The following SYNE1 variants were observed in gnomAD, a reference collection of about 807,000 sequenced individuals.
SYNE1 encodes nesprin-1.
Under a neutral mutation model 1,111.0 loss-of-function variants are expected in SYNE1, and 616 were observed. The observed-to-expected ratio is 0.55, with a 90% CI of 0.52 to 0.59. The LOEUF (loss-of-function observed/expected upper bound fraction) is 0.59, where lower values mean the gene tolerates loss of function less well. SYNE1 is among the 20% of genes least tolerant of loss of function. SYNE1 has a pLI of 0.00. For synonymous variants in SYNE1, 3,855 were observed against 3,825.8 expected (o/e 1.01, Z -0.28); for missense variants, 10,006 against 10,417.0 (o/e 0.96, Z 1.72).
intron 64 of SYNE1, among the ~76,000 whole-genome samples, chr6:152,359,938 T>C (rs2096903628): frequency 6.6e-6 from 1 of 151,938 alleles, no homozygotes; most frequent in Admixed American, 6.6e-5. Flanking sequence ...TCCTGTTAGC[T>C]CTACCTCCTA....
At chr6:152,426,390 G>A (rs2098355848) in intron 38 of SYNE1, among the ~76,000 whole-genome samples, 1 of 152,176 alleles carries the variant, frequency 6.6e-6, no homozygotes, top group African/African-American at 2.4e-5. Flanking sequence ...CTTATGCTGG[G>A]TACAAGGGAA....
chr6:152,597,385 C>T (rs1246932458), intron 3 of SYNE1, among the ~76,000 whole-genome samples: 1 of 152,128 alleles, frequency 6.6e-6, no homozygotes. Flanking sequence ...TCAAGTGATC[C>T]TTCTACCACC....
chr6:152,471,729 T>C lies in SYNE1; in HGVS notation c.1500A>G (p.Leu500=). The C allele has an allele frequency of 2.5e-6, 4 of 1,613,870 alleles. No individual in the cohort carries two copies. Among genetic ancestry groups the C allele is most frequent in the African/African-American group, 2.7e-5 (2 of 75,020 alleles). Residue 500 remains leucine (L), a synonymous_variant, in exon 16 of 146, where the codon CTA becomes CTG. Transcript: ENST00000367255. Reference sequence around the variant, plus strand: ...TTAATTCTAAAAATTCCATTTTCATTAGGTGTAGCTCTGATGTGGAGGAAA... The same window carrying C: ...TTAATTCTAAAAATTCCATTTTCATCAGGTGTAGCTCTGATGTGGAGGAAA... ...HFVSSTSELH[L]MKMEFLELKY...
chr6:152,227,768 A>G (rs1369674679), intron 115 of SYNE1, among the ~76,000 whole-genome samples: 1 of 152,168 alleles, frequency 6.6e-6, no homozygotes, highest in East Asian at 1.9e-4. Context: ...TCCATTGCTT[A>G]GAAACTATTT....
At chr6:152,583,810 T>G (rs566065514) in intron 3 of SYNE1, among the ~76,000 whole-genome samples, 14 of 152,232 alleles carry the variant, frequency 9.2e-5, no homozygotes, top group Non-Finnish European at 2.9e-5. Context: ...AGAGCAAAAG[T>G]GGGAGAATTA....
chr6:152,127,912 T>G (rs1025992653), intron 145 of SYNE1: 1 of 152,200 alleles, frequency 6.6e-6, no homozygotes. Context: ...TCTTTCAGTG[T>G]TTCGGCCAGT....
chr6:152,510,514 T>C, intron 7 of SYNE1, 143 bp from the exon 8 acceptor site: 4 of 915,168 alleles, frequency 4.4e-6, no homozygotes, highest in South Asian at 4.3e-5. Context: ...AAGGGCATGA[T>C]TGATATCTTA....
At chr6:152,574,003 A>C (rs1025493917) in intron 3 of SYNE1, among the ~76,000 whole-genome samples, 1 of 152,086 alleles carries the variant, frequency 6.6e-6, no homozygotes, top group African/African-American at 2.4e-5. Context: ...TGTTCAACCA[A>C]GCTCTGAGTC....
intron 38 of SYNE1, among the ~76,000 whole-genome samples, chr6:152,425,853 T>A (rs1282452702): frequency 6.6e-6 from 1 of 152,214 alleles, no homozygotes; most frequent in Non-Finnish European, 1.5e-5. Context: ...GAGTCTGAGT[T>A]CTAAGTTAGG....
intron 32 of SYNE1, among the ~76,000 whole-genome samples, chr6:152,437,836 C>T (rs2098487792): frequency 6.6e-6 from 1 of 152,094 alleles, no homozygotes; most frequent in African/African-American, 2.4e-5. Context: ...TCAGTAAGAG[C>T]ATCTCCTAGA....
rs764402133 is a variant in SYNE1, at chr6:152,331,396, G to A, written c.13289C>T (p.Ala4430Val). 24 of 1,614,160 alleles carry A rather than the reference G, an allele frequency of 1.5e-5. No individual in the cohort carries two copies. In the East Asian group the frequency reaches 5.3e-4, roughly 36 times the overall value. The part of the protein sequence containing the change: ...RQVIQKALSD[A>V]QSHVNCLSDL... The stretch of plus-strand genomic sequence containing the variant: ...ACTGAGACAATTCACGTGGCTTTGT[G>A]CATCAGAGAGAGCCTTCTGGATGAC... Residue 4430 changes from alanine (A) to valine (V), a missense_variant, in exon 78 of 146, where the codon GCA becomes GTA. This residue lies in a region of SYNE1 where 4,955 missense variants were observed against 5,017.2 expected (regional missense o/e 0.99). Transcript: ENST00000367255.
chr6:152,369,021 C>G lies in SYNE1; in HGVS notation c.9758G>C (p.Arg3253Thr), dbSNP rs568146966. ...GQAASKSFRH[R>T]VSQLSSQYLA... Reference sequence around the variant, plus strand: ...ATACTGAGAAGACAGCTGCGACACTCTGTGCCTAAAGCTCTTGCTGGCAGC... The same window carrying G: ...ATACTGAGAAGACAGCTGCGACACTGTGTGCCTAAAGCTCTTGCTGGCAGC... The change falls in exon 61 of 146, where the codon AGA becomes ACA. Residue 3253 changes from arginine to threonine, a missense_variant. Arg to Thr is a moderately conservative substitution (Grantham distance 71). This residue lies in a region of SYNE1 where 4,955 missense variants were observed against 5,017.2 expected (regional missense o/e 0.99). Transcript: ENST00000367255. 6.2e-7 allele frequency: 1 copy of G among 1,614,234 alleles called. No individual in the cohort carries two copies. The highest frequency in any genetic ancestry group is 1.7e-5 in the Admixed American group (1 of 60,030).
At chr6:152,592,264 C>T (rs1583056647) in intron 3 of SYNE1, among the ~76,000 whole-genome samples, 1 of 152,218 alleles carries the variant, frequency 6.6e-6, no homozygotes, top group East Asian at 1.9e-4. Flanking sequence ...CACATGCACT[C>T]ATAGGTTCCT....
At chr6:152,437,162 A>AG (rs1488685045) in intron 32 of SYNE1, among the ~76,000 whole-genome samples, 3 of 152,192 alleles carry the variant, frequency 2.0e-5, no homozygotes, top group African/African-American at 4.8e-5. Flanking sequence ...TCAAAGAAAA[A>AG]AGAGAGAGAG....
At chr6:152,626,932 A>C (rs2099687037) in intron 3 of SYNE1, among the ~76,000 whole-genome samples, 1 of 152,242 alleles carries the variant, frequency 6.6e-6, no homozygotes, top group Non-Finnish European at 1.5e-5. Context: ...ACTGCTATGC[A>C]CAGCAAATGC....
intron 3 of SYNE1, among the ~76,000 whole-genome samples, chr6:152,608,139 A>G (rs1349563735): frequency 3.4e-5 from 5 of 147,752 alleles, no homozygotes; most frequent in Non-Finnish European, 6.0e-5. Flanking sequence ...CGGCACATGT[A>G]TACTGGAACT....
chr6:152,291,450 C>T (rs1402735635), intron 95 of SYNE1, among the ~76,000 whole-genome samples: 1 of 152,004 alleles, frequency 6.6e-6, no homozygotes, highest in African/African-American at 2.4e-5. Flanking sequence ...CAAGAAAAGT[C>T]ACAGATTCAC....
chr6:152,582,617 A>G (rs1302003415), intron 3 of SYNE1, among the ~76,000 whole-genome samples: 1 of 151,862 alleles, frequency 6.6e-6, no homozygotes, highest in Non-Finnish European at 1.5e-5. Flanking sequence ...CATGGGGTAC[A>G]TGTGCATGTT....
intron 4 of SYNE1, among the ~76,000 whole-genome samples, chr6:152,536,426 TA>T (rs1231351388): frequency 7.3e-6 from 1 of 136,826 alleles, no homozygotes; most frequent in African/African-American, 2.8e-5. Context: ...TATATATTTA[TA>T]TATATAACTA....
Sources: gnomAD v4.1 joint callset for allele counts (sites outside exome capture counted in the v4.1 genomes callset) on GRCh38, gnomAD v4.1.1 for gene constraint, gnomAD v4.1.1 regional missense constraint, MANE v1.5 for transcripts, NCBI Gene and HGNC (gene_info 2026-07-23, HGNC 2026-07-21) for gene names.